The following PCDHGA1 variants were observed in gnomAD, a reference collection of about 807,000 sequenced individuals.
PCDHGA1 encodes the protein protocadherin gamma subfamily A, 1.
PCDHGA1 carries 32 observed loss-of-function variants against 58.0 expected under a neutral mutation model. The ratio of observed to expected loss-of-function variants is 0.55; its 90% CI spans 0.42 to 0.74. PCDHGA1 has a LOEUF of 0.74. PCDHGA1 is among the 30% of genes least tolerant of loss of function. The pLI is 0.00. For missense variants in PCDHGA1, 1,205 were observed against 1,182.3 expected, an observed-to-expected ratio of 1.02 and a Z score of -0.28; for synonymous variants, 498 against 501.1, an observed-to-expected ratio of 0.99 and a Z score of 0.08.
At chr5:141,410,631 C>A (rs1227907799) in intron 1 of PCDHGA1, 1 of 1,600,936 alleles carries the variant, frequency 6.2e-7, no homozygotes, top group East Asian at 2.2e-5. Context: ...GTGAGTTTCT[C>A]TTTTTTGTGT....
intron 1 of PCDHGA1, chr5:141,361,539 C>A (rs754978831): frequency 5.0e-6 from 8 of 1,613,910 alleles, no homozygotes; most frequent in African/African-American, 1.3e-5. Flanking sequence ...ATCCTCCTGG[C>A]GCCTCTATCG....
At chr5:141,446,132 TA>T (rs1252851903) in intron 1 of PCDHGA1, among the ~76,000 whole-genome samples, 1 of 152,204 alleles carries the variant, frequency 6.6e-6, no homozygotes, top group African/African-American at 2.4e-5. Context: ...CAATAAGACT[TA>T]ATAATGGAAT....
At chr5:141,475,866 C>T in intron 1 of PCDHGA1, 1 of 504,862 alleles carries the variant, frequency 2.0e-6, no homozygotes, top group South Asian at 2.9e-5. Context: ...GCTCATTCTT[C>T]GTGCAGTTAT....
Position 141,431,687 on chromosome 5 carries a change from G to A in PCDHGA1, c.2422-63120G>A. On this transcript the variant is annotated intron_variant, in intron 1 of 3. Transcript: ENST00000517417. This position sits in a 1 kb window ranked among gnomAD's most constrained non-coding sequence, Gnocchi z 4.8. ...ATCAACAATAGGGGAGTTGGACCAC[G>A]AGGAGTCAGGATTCTACCAGATGGA... The A allele has an allele frequency of 1.9e-6, 3 of 1,614,214 alleles. No homozygotes were observed. Among genetic ancestry groups the A allele is most frequent in the Middle Eastern group, 1.6e-4 (1 of 6,062 alleles).
intron 1 of PCDHGA1, chr5:141,375,606 A>T: frequency 6.2e-7 from 1 of 1,613,922 alleles, no homozygotes; most frequent in Non-Finnish European, 8.5e-7. Context: ...GTGTCCATCA[A>T]CTCCGACACT....
chr5:141,341,296 T>C, intron 1 of PCDHGA1: 1 of 1,614,238 alleles, frequency 6.2e-7, no homozygotes, highest in African/African-American at 1.3e-5. Context: ...AGCCCAACTA[T>C]GCGGACACGC....
intron 1 of PCDHGA1, among the ~76,000 whole-genome samples, chr5:141,335,661 C>T (rs1169009050): frequency 2.6e-5 from 4 of 152,064 alleles, no homozygotes; most frequent in African/African-American, 4.8e-5. Context: ...CTGCACACAA[C>T]AAATATGGAA....
chr5:141,402,857 A>G, intron 1 of PCDHGA1: 2 of 1,425,270 alleles, frequency 1.4e-6, no homozygotes, highest in Non-Finnish European at 1.8e-6. Context: ...CTTTCTTCTA[A>G]GGAAAAGATC....
intron 3 of PCDHGA1, among the ~76,000 whole-genome samples, chr5:141,506,444 CA>C (rs1219684339): frequency 0.54 from 51,660 of 95,006 alleles, 10,715 homozygotes; most frequent in African/African-American, 0.61. Context: ...CGCTCTGTCT[CA>C]AAAAAAAAAA....
chr5:141,354,877 C>T (rs1759657393), intron 1 of PCDHGA1: 1 of 369,784 alleles, frequency 2.7e-6, no homozygotes, highest in African/African-American at 2.1e-5. Flanking sequence ...AGGAATTTGA[C>T]TTTATTATCT....
At chr5:141,443,728 C>T (rs1434984241) in intron 1 of PCDHGA1, among the ~76,000 whole-genome samples, 1 of 152,060 alleles carries the variant, frequency 6.6e-6, no homozygotes, top group Admixed American at 6.5e-5. Flanking sequence ...ATTCCTCATA[C>T]ATTTCCCTAT....
At position 141,511,516 on chromosome 5, in the gene PCDHGA1, T is replaced by A. The variant is rs2099883825; in HGVS notation, c.*343T>A. ...CTTCCAAATCAATCAGGCCCATCCA[T>A]CCCATGCCTCCCTCCTCCCCACCCC... is the stretch of plus-strand genomic sequence containing the variant. On this transcript the variant is annotated 3_prime_UTR_variant, in exon 4 of 4. Transcript: ENST00000517417. 1 of 365,020 alleles carries A rather than the reference T, an allele frequency of 2.7e-6. No individual in the cohort carries two copies. Among genetic ancestry groups the A allele is most frequent in the Admixed American group, 4.0e-5 (1 of 25,162 alleles). The allele number at this position is 365,020 out of a possible 1,614,324, so 22.6% of individuals were successfully genotyped here.
At chr5:141,352,402 C>T (rs1033462327) in intron 1 of PCDHGA1, 27 of 1,613,928 alleles carry the variant, frequency 1.7e-5, no homozygotes, top group African/African-American at 6.7e-5. Context: ...TGCGACGTTC[C>T]TCCAGCCTCG....
intron 1 of PCDHGA1, chr5:141,375,722 T>G (rs1422655230): frequency 6.2e-7 from 1 of 1,614,260 alleles, no homozygotes; most frequent in South Asian, 1.1e-5. Context: ...CAGCAACGTG[T>G]CACTGAGCCT....
At chr5:141,510,056 G>C (rs1450505898) in intron 3 of PCDHGA1, among the ~76,000 whole-genome samples, 2 of 152,174 alleles carry the variant, frequency 1.3e-5, no homozygotes. Flanking sequence ...AAGTGATTGT[G>C]CATGTGAAGC....
chr5:141,393,898 C>T lies in PCDHGA1; in HGVS notation c.2421+60793C>T, dbSNP rs182092307. On this transcript the variant is annotated intron_variant, in intron 1 of 3. Transcript: ENST00000517417. ...AGCCCAGTGTTAGAAAATTCTCTTC[C>T]CGGGACAGTAATTGCCTTCTTGAGT... The T allele has an allele frequency of 3.0e-5, 49 of 1,613,956 alleles. No individual in the cohort carries two copies. The African/African-American group carries it at 5.1e-4, about 17-fold the overall frequency.
chr5:141,376,552 C>G lies in PCDHGA1; in HGVS notation c.2421+43447C>G, dbSNP rs372170088. On this transcript the variant is annotated intron_variant, in intron 1 of 3. Transcript: ENST00000517417. ...AGCGGGAAGAGTAATCTGATCTTCC[C>G]GCAACCCAACTAATCAGACAGGCTC... 3 of 1,611,220 alleles carry G rather than the reference C, an allele frequency of 1.9e-6. No individual in the cohort carries two copies. The African/African-American group carries it at 4.0e-5, about 22-fold the overall frequency.
intron 1 of PCDHGA1, chr5:141,423,851 C>T (rs1311833319): frequency 7.8e-6 from 10 of 1,275,940 alleles, no homozygotes; most frequent in African/African-American, 1.6e-5. Flanking sequence ...TCTTTCAGAA[C>T]GTTTTTGTGA....
At chr5:141,385,487 A>G in intron 1 of PCDHGA1, 1 of 1,416,436 alleles carries the variant, frequency 7.1e-7, no homozygotes, top group Admixed American at 3.0e-5. Flanking sequence ...TATAGAACAC[A>G]TAGGATATAG....
Sources: allele counts gnomAD v4.1 joint callset (sites outside exome capture counted in the v4.1 genomes callset), GRCh38; gene constraint gnomAD v4.1.1; non-coding constraint Gnocchi (gnomAD v3.1); transcripts MANE v1.5; gene names NCBI Gene and HGNC (gene_info 2026-07-23, HGNC 2026-07-21).